The following GTF2A2 variants were observed in gnomAD, a reference collection of about 807,000 sequenced individuals.
GTF2A2 encodes transcription initiation factor IIA subunit 2.
In GTF2A2, 9 loss-of-function variants were observed where a neutral mutation model predicts 14.3. That is an observed-to-expected ratio of 0.63 (90% CI 0.38 to 1.10). The LOEUF (loss-of-function observed/expected upper bound fraction) is 1.10. Among genes scored for constraint, GTF2A2 ranks in the 50% least tolerant of loss-of-function variants. GTF2A2 has a pLI of 0.01. For missense variants in GTF2A2, 90 were observed against 124.6 expected, an observed-to-expected ratio of 0.72 and a Z score of 1.32; for synonymous variants, 56 against 46.0, an observed-to-expected ratio of 1.22 and a Z score of -0.88.
intron 3 of GTF2A2, among the ~76,000 whole-genome samples, chr15:59,648,304 A>G: frequency 6.7e-6 from 1 of 149,390 alleles, no homozygotes; most frequent in East Asian, 2.0e-4. Flanking sequence ...GCTATTCAGG[A>G]GGCTGAGACA....
intron 3 of GTF2A2, among the ~76,000 whole-genome samples, chr15:59,642,937 T>A (rs1891479684): frequency 6.6e-6 from 1 of 150,992 alleles, no homozygotes; most frequent in Non-Finnish European, 1.5e-5. Context: ...CAGCTAGTTT[T>A]TTTATTTTTA....
At chr15:59,640,430 C>T (rs1185677407) in intron 4 of GTF2A2, among the ~76,000 whole-genome samples, 2 of 152,188 alleles carry the variant, frequency 1.3e-5, no homozygotes, top group Non-Finnish European at 2.9e-5. Context: ...GTTCAAATGA[C>T]TGAAACTGAC....
chr15:59,642,321 C>A, intron 3 of GTF2A2, 59 bp from the exon 4 acceptor site: 2 of 1,473,302 alleles, frequency 1.4e-6, no homozygotes, highest in South Asian at 1.3e-5. Flanking sequence ...CATTTTTCTC[C>A]AAAGCAATTT....
chr15:59,654,339 G>C (rs1387729120), intron 1 of GTF2A2, among the ~76,000 whole-genome samples: 1 of 152,162 alleles, frequency 6.6e-6, no homozygotes, highest in Non-Finnish European at 1.5e-5. Context: ...GGCCTTTGTG[G>C]TGGCTCTTCT....
At chr15:59,640,225 C>T (rs1372341865) in intron 4 of GTF2A2, 1 of 152,128 alleles carries the variant, frequency 6.6e-6, no homozygotes, top group Non-Finnish European at 1.5e-5. Context: ...CAATCTGCTA[C>T]TTCTCATCCA....
intron 3 of GTF2A2, among the ~76,000 whole-genome samples, chr15:59,643,072 A>ATTTT (rs398043378): frequency 6.6e-4 from 42 of 64,070 alleles, no homozygotes; most frequent in East Asian, 1.2e-3. Flanking sequence ...GGCCTATATA[A>ATTTT]TTTTTTTTTT....
intron 1 of GTF2A2, among the ~76,000 whole-genome samples, chr15:59,656,434 T>C (rs1299518509): frequency 2.6e-5 from 4 of 151,940 alleles, no homozygotes; most frequent in Non-Finnish European, 5.9e-5. Flanking sequence ...TTCTCTTTTT[T>C]TTTTTGATGG....
At chr15:59,649,784 G>A (rs1245483538) in intron 3 of GTF2A2, among the ~76,000 whole-genome samples, 5 of 152,024 alleles carry the variant, frequency 3.3e-5, no homozygotes, top group Non-Finnish European at 5.9e-5. Flanking sequence ...GAACATGCCT[G>A]GTATGTTATC....
chr15:59,643,309 A>C (rs556340527), intron 3 of GTF2A2, among the ~76,000 whole-genome samples: 2 of 151,730 alleles, frequency 1.3e-5, no homozygotes, highest in Non-Finnish European at 2.9e-5. Flanking sequence ...CAAACTCCTG[A>C]CCTCAGATGA....
At chr15:59,654,116 ACATAAGGCAAAT>A (rs1891873064) in intron 1 of GTF2A2, among the ~76,000 whole-genome samples, 1 of 152,184 alleles carries the variant, frequency 6.6e-6, no homozygotes, top group South Asian at 2.1e-4. Flanking sequence ...AGACTTTAAA[ACATAAGGCAAAT>A]CACATCACTG....
At chr15:59,640,456 ATCTGT>A (rs764254916) in intron 4 of GTF2A2, among the ~76,000 whole-genome samples, 1 of 152,342 alleles carries the variant, frequency 6.6e-6, no homozygotes, top group Non-Finnish European at 1.5e-5. Flanking sequence ...ACTAGTCTAC[ATCTGT>A]TCTGTCCAAT....
At chr15:59,650,372 A>G (rs543460436) in intron 3 of GTF2A2, among the ~76,000 whole-genome samples, 48 of 152,338 alleles carry the variant, frequency 3.2e-4, no homozygotes, top group African/African-American at 1.0e-3. Flanking sequence ...CCTGCAGATA[A>G]TATTTCAGGT....
intron 3 of GTF2A2, 133 bp from the exon 4 acceptor site, chr15:59,642,395 T>A: frequency 1.5e-6 from 1 of 681,122 alleles, no homozygotes; most frequent in Non-Finnish European, 2.2e-6. Context: ...TCCTTAACTT[T>A]AATCCTAGCT....
At chr15:59,641,031 A>C (rs1891402547) in intron 4 of GTF2A2, among the ~76,000 whole-genome samples, 1 of 152,184 alleles carries the variant, frequency 6.6e-6, no homozygotes. Flanking sequence ...TTTCTTTAAA[A>C]AGGGCTTAAG....
intron 2 of GTF2A2, among the ~76,000 whole-genome samples, chr15:59,651,013 C>T (rs954112838): frequency 6.6e-6 from 1 of 152,018 alleles, no homozygotes; most frequent in South Asian, 2.1e-4. Context: ...AAAGCCAGAA[C>T]AAAACTTTGT....
At chr15:59,644,941 T>C (rs1250583275) in intron 3 of GTF2A2, among the ~76,000 whole-genome samples, 1 of 152,166 alleles carries the variant, frequency 6.6e-6, no homozygotes, top group Admixed American at 6.5e-5. Flanking sequence ...GACAGGAGTA[T>C]GACTAAAGGA....
At chr15:59,651,582 G>C (rs11071465) in intron 2 of GTF2A2, 99,383 of 152,114 alleles carry the variant, frequency 0.65, 32,803 homozygotes, top group African/African-American at 0.73. Flanking sequence ...ACTTAAATTG[G>C]ACAAAACTAT....
chr15:59,640,410 C>CAAATGTAT lies in GTF2A2; in HGVS notation c.305-1261_305-1254dup, dbSNP rs1891372475. The stretch of plus-strand genomic sequence containing the variant: ...GATTTTCTGGTTCTCAGCTATGGTT[C>CAAATGTAT]AAATGTATGGTTCAAATGACTGAAA... On this transcript the variant is annotated intron_variant, in intron 4 of 4. Transcript: ENST00000396060. Among the ~76,000 whole-genome samples the CAAATGTAT allele has an allele frequency of 5.9e-5, 9 of 152,192 alleles. 1 individual carries two copies. In the South Asian group the frequency reaches 1.9e-3, roughly 32 times the overall value.
intron 1 of GTF2A2, 104 bp from the exon 2 acceptor site, chr15:59,652,430 A>G: frequency 1.8e-6 from 1 of 565,484 alleles, no homozygotes; most frequent in South Asian, 2.2e-5. Flanking sequence ...AACTAGGAGA[A>G]CGCTTAGTGG....
Sources: allele counts gnomAD v4.1 joint callset (sites outside exome capture counted in the v4.1 genomes callset), GRCh38; gene constraint gnomAD v4.1.1; transcripts MANE v1.5; gene names NCBI Gene and HGNC (gene_info 2026-07-23, HGNC 2026-07-21).